The following GRIN2A variants were observed in gnomAD, a reference collection of about 807,000 sequenced individuals.
GRIN2A encodes the protein glutamate receptor ionotropic, NMDA 2A.
Under a neutral mutation model 113.4 loss-of-function variants are expected in GRIN2A, and 22 were observed. The observed-to-expected ratio is 0.19, with a 90% CI of 0.14 to 0.28. The LOEUF is 0.28. GRIN2A is among the 10% of genes least tolerant of loss of function. The pLI is 1.00. For synonymous variants in GRIN2A, 827 were observed against 738.4 expected, an observed-to-expected ratio of 1.12 and a Z score of -1.94; for missense variants, 1,502 against 1,887.0, an observed-to-expected ratio of 0.80 and a Z score of 3.78.
intron 3 of GRIN2A, among the ~76,000 whole-genome samples, chr16:9,932,742 C>T (rs538050470): frequency 2.0e-5 from 3 of 152,240 alleles, no homozygotes; most frequent in African/African-American, 7.2e-5. Flanking sequence ...ACTGCTTTTC[C>T]ATACGCCACA....
intron 2 of GRIN2A, among the ~76,000 whole-genome samples, chr16:10,124,559 C>G (rs1025610730): frequency 7.9e-5 from 12 of 152,156 alleles, no homozygotes; most frequent in African/African-American, 2.7e-4. Flanking sequence ...CAGATACAGA[C>G]AGGGGCACTG....
chr16:9,784,431 C>A (rs1902099718), intron 11 of GRIN2A, among the ~76,000 whole-genome samples: 1 of 124,534 alleles, frequency 8.0e-6, no homozygotes. Context: ...ACTCTAACAA[C>A]AACAACAACC....
intron 3 of GRIN2A, among the ~76,000 whole-genome samples, chr16:9,893,521 C>G (rs2043740488): frequency 6.6e-6 from 1 of 152,148 alleles, no homozygotes; most frequent in African/African-American, 2.4e-5. Flanking sequence ...GGCTGTAGTG[C>G]ATTGGCACAA....
At chr16:10,162,828 C>T (rs563974332) in intron 2 of GRIN2A, among the ~76,000 whole-genome samples, 16 of 152,140 alleles carry the variant, frequency 1.1e-4, no homozygotes, top group Non-Finnish European at 1.5e-4. Flanking sequence ...AAACCAGAGA[C>T]GTGCTTCTTT....
intron 2 of GRIN2A, among the ~76,000 whole-genome samples, chr16:10,023,755 G>C (rs181080875): frequency 1.3e-5 from 2 of 152,304 alleles, no homozygotes; most frequent in Non-Finnish European, 2.9e-5. Context: ...GAGGTCACAA[G>C]TCCACTCATT....
intron 10 of GRIN2A, among the ~76,000 whole-genome samples, chr16:9,818,113 T>G (rs1279146405): frequency 6.6e-6 from 1 of 151,852 alleles, no homozygotes; most frequent in Non-Finnish European, 1.5e-5. Flanking sequence ...AATGAAAATT[T>G]TAAAAAGGAA....
chr16:9,893,672 G>C (rs533804360), intron 3 of GRIN2A, among the ~76,000 whole-genome samples: 1 of 152,214 alleles, frequency 6.6e-6, no homozygotes, highest in African/African-American at 2.4e-5. Context: ...TTGCCATGTT[G>C]ACCAGGCTGG....
chr16:9,863,772 T>C (rs1393726473), intron 4 of GRIN2A, among the ~76,000 whole-genome samples: 4 of 152,226 alleles, frequency 2.6e-5, no homozygotes, highest in Non-Finnish European at 5.9e-5. Flanking sequence ...TGTATCATGT[T>C]ATATTTGAGA....
chr16:10,040,366 AAC>A (rs1197811723), intron 2 of GRIN2A, among the ~76,000 whole-genome samples: 1 of 151,246 alleles, frequency 6.6e-6, no homozygotes, highest in African/African-American at 2.4e-5. Flanking sequence ...ACAATGTACA[AAC>A]ACACAACACA....
intron 3 of GRIN2A, among the ~76,000 whole-genome samples, chr16:9,903,159 C>T (rs533998028): frequency 2.4e-4 from 36 of 151,932 alleles, no homozygotes; most frequent in African/African-American, 8.2e-4. Context: ...TTAGTAGAGA[C>T]GGGGTTTCAC....
rs1481348467 is a variant in GRIN2A, at chr16:9,762,100, A to G, written c.*1049T>C. On this transcript the variant is annotated 3_prime_UTR_variant, in exon 13 of 13. Coordinates refer to ENST00000330684, the MANE Select transcript of GRIN2A (RefSeq NM_001134407.3). The stretch of plus-strand genomic sequence containing the variant: ...GTACTTCTTACAGATCACAGTACAC[A>G]TACGGCTGTTGGTGCATGTCACCAC... The G allele has an allele frequency of 9.6e-6, 2 of 208,156 alleles. No homozygotes were observed. The highest frequency in any genetic ancestry group is 4.6e-5 in the African/African-American group (2 of 43,944). The allele number at this position is 208,156 out of a possible 1,614,324, so 12.9% of individuals were successfully genotyped here.
Position 9,880,818 on chromosome 16 carries a change from T to C in GRIN2A, c.1122+10168A>G, listed in dbSNP as rs550557641. On this transcript the variant is annotated intron_variant, in intron 4 of 12. Transcript: ENST00000330684. ...CCTTGTTCAAACGAGAAATCCTCCA[T>C]ACAAACGCCCTTGATTCTTCTGCCT... 7.9e-5 allele frequency among the ~76,000 whole-genome samples: 12 copies of C among 152,328 alleles called. No individual in the cohort carries two copies. The South Asian group carries it at 1.9e-3, about 24-fold the overall frequency.
intron 2 of GRIN2A, among the ~76,000 whole-genome samples, chr16:10,128,210 C>T (rs1271691156): frequency 1.3e-5 from 2 of 152,186 alleles, no homozygotes; most frequent in African/African-American, 2.4e-5. Flanking sequence ...ATGTGTCCCT[C>T]TTTTGGCTGA....
Position 10,130,099 on chromosome 16 carries a change from G to T in GRIN2A, c.414+49899C>A, listed in dbSNP as rs557117065. ...CTAAGACAAGAAAGTAAGAAGGAGA[G>T]ATAGGTATGGGGACATGCTAAAGAC... On this transcript the variant is annotated intron_variant, in intron 2 of 12. Coordinates refer to ENST00000330684, the MANE Select transcript of GRIN2A (RefSeq NM_001134407.3). Among the ~76,000 whole-genome samples the T allele has an allele frequency of 9.8e-5, 15 of 152,318 alleles. No homozygotes were observed. The South Asian group carries it at 3.1e-3, about 32-fold the overall frequency.
chr16:10,145,544 T>G (rs2049422245), intron 2 of GRIN2A, among the ~76,000 whole-genome samples: 1 of 152,168 alleles, frequency 6.6e-6, no homozygotes, highest in Non-Finnish European at 1.5e-5. Flanking sequence ...GAGTTGAAGC[T>G]GAATTGAGGG....
intron 2 of GRIN2A, among the ~76,000 whole-genome samples, chr16:10,151,075 C>T (rs185952598): frequency 1.3e-5 from 2 of 152,334 alleles, no homozygotes; most frequent in Non-Finnish European, 2.9e-5. Context: ...GTGTTAATTT[C>T]TTTGGCTGCA....
intron 9 of GRIN2A, among the ~76,000 whole-genome samples, chr16:9,824,940 C>T (rs936761693): frequency 3.9e-5 from 6 of 152,046 alleles, no homozygotes; most frequent in East Asian, 3.9e-4. Context: ...GTGCTTGCTG[C>T]GAGAATGATT....
chr16:10,129,921 T>C (rs1195864289), intron 2 of GRIN2A, among the ~76,000 whole-genome samples: 2 of 152,158 alleles, frequency 1.3e-5, no homozygotes, highest in Non-Finnish European at 2.9e-5. Context: ...GGAGTTGCAG[T>C]GAAGGTAGAA....
chr16:9,970,523 C>T (rs2045649609), intron 2 of GRIN2A, among the ~76,000 whole-genome samples: 1 of 152,040 alleles, frequency 6.6e-6, no homozygotes, highest in South Asian at 2.1e-4. Context: ...GAAAAGAGGC[C>T]TTGAGGATTG....
Sources: gnomAD v4.1 joint callset for allele counts (sites outside exome capture counted in the v4.1 genomes callset) on GRCh38, gnomAD v4.1.1 for gene constraint, MANE v1.5 for transcripts, NCBI Gene and HGNC (gene_info 2026-07-23, HGNC 2026-07-21) for gene names.